The following TRPV4 variants were observed in gnomAD, a reference collection of about 807,000 sequenced individuals.
The protein encoded by TRPV4 is OSM9-like transient receptor potential channel 4.
In TRPV4, 58 loss-of-function variants were observed where a neutral mutation model predicts 84.1. The observed-to-expected ratio is 0.69, with a 90% CI of 0.56 to 0.86. TRPV4 has a LOEUF of 0.86. TRPV4 is among the 40% of genes least tolerant of loss of function. The pLI, the probability that TRPV4 is intolerant of heterozygous loss-of-function variation, is 0.00. For synonymous variants in TRPV4, 489 were observed against 500.9 expected, an observed-to-expected ratio of 0.98 and a Z score of 0.32; for missense variants, 879 against 1,181.1, an observed-to-expected ratio of 0.74 and a Z score of 3.75.
chr12:109,827,209 C>T (rs1892275600), intron 1 of TRPV4, among the ~76,000 whole-genome samples: 1 of 152,134 alleles, frequency 6.6e-6, no homozygotes, highest in Non-Finnish European at 1.5e-5. Context: ...GCCTATAAGA[C>T]CAACACCTCT....
chr12:109,802,990 C>G lies in TRPV4; in HGVS notation c.712+1G>C. On this transcript the variant is annotated splice_donor_variant, in intron 4 of 15. Transcript: ENST00000261740. LOFTEE classifies it high-confidence loss of function. ...CACCCCTGCCCAGCCCGGGGCCCCA[C>G]CTCGATAGTAGATGTCACGGAAGGG... The G allele has an allele frequency of 3.1e-6, 5 of 1,613,886 alleles. No homozygotes were observed. The highest frequency in any genetic ancestry group is 4.2e-6 in the Non-Finnish European group (5 of 1,179,998).
intron 8 of TRPV4, 102 bp downstream of exon 8, chr12:109,794,226 CG>C: frequency 6.8e-7 from 1 of 1,462,248 alleles, no homozygotes; most frequent in Non-Finnish European, 9.4e-7. Flanking sequence ...AAACCTTCTC[CG>C]GGTCCCCCTA....
intron 7 of TRPV4, among the ~76,000 whole-genome samples, chr12:109,794,725 A>G (rs1890283540): frequency 6.6e-6 from 1 of 152,144 alleles, no homozygotes; most frequent in Non-Finnish European, 1.5e-5. Context: ...CTTAAAAGAC[A>G]TTTATTTTCA....
intron 2 of TRPV4, among the ~76,000 whole-genome samples, chr12:109,812,282 G>A (rs1302458186): frequency 6.6e-6 from 1 of 152,220 alleles, no homozygotes; most frequent in Non-Finnish European, 1.5e-5. Flanking sequence ...GGCATGGAAT[G>A]CGTCATAGGG....
Position 109,803,106 on chromosome 12 carries a change from C to T in TRPV4, c.597G>A (p.Leu199=), listed in dbSNP as rs515726167. ...CGTTGCGGCCATTGCTCAGGTTCAG[C>T]AAGGCCTTGGGCAGGCAGGTCTTCC... ...STGKTCLPKA[L]LNLSNGRNDT... Residue 199 remains leucine, a synonymous_variant, in exon 4 of 16, where the codon TTG becomes TTA. Transcript: ENST00000261740. The T allele has an allele frequency of 6.2e-7, 1 of 1,614,162 alleles. No individual in the cohort carries two copies.
At chr12:109,819,414 C>T (rs1464464741) in intron 1 of TRPV4, among the ~76,000 whole-genome samples, 1 of 152,224 alleles carries the variant, frequency 6.6e-6, no homozygotes, top group Non-Finnish European at 1.5e-5. Context: ...CCCGCACGGG[C>T]TCACAATGCC....
chr12:109,814,742 G>A lies in TRPV4; in HGVS notation c.55C>T (p.Pro19Ser), dbSNP rs3742030. ...CCTGGGGTGCCACTCTCATCCCCGG[G>A]GAGCTCAGCCACCTCCCCGGGCCCC... ...RAGPGEVAEL[P>S]GDESGTPGGE... The change falls in exon 2 of 16, where the codon CCC becomes TCC. Residue 19 changes from proline (P) to serine (S), a missense_variant. Pro to Ser is a moderately conservative substitution (Grantham distance 74, BLOSUM62 -1). Around this residue, in one of 4 missense-constraint regions of TRPV4, gnomAD observed 107 missense variants for 99.4 expected, o/e 1.08. Coordinates refer to ENST00000261740, the MANE Select transcript of TRPV4 (RefSeq NM_021625.5). The surrounding 1 kb of genome is among the most constrained non-coding windows in gnomAD (Gnocchi z 5.4). 48,465 of 1,586,158 alleles carry A rather than the reference G, an allele frequency of 0.031. 866 individuals carry two copies. The highest frequency in any genetic ancestry group is 0.064 in the Middle Eastern group (378 of 5,934).
chr12:109,820,005 T>A (rs540234459), intron 1 of TRPV4, among the ~76,000 whole-genome samples: 7 of 152,338 alleles, frequency 4.6e-5, no homozygotes, highest in Non-Finnish European at 8.8e-5. Context: ...AGAATCTGCA[T>A]CTTCCTCTGG....
chr12:109,813,556 T>C (rs769808309), intron 2 of TRPV4, among the ~76,000 whole-genome samples: 3 of 147,256 alleles, frequency 2.0e-5, no homozygotes, highest in Non-Finnish European at 2.9e-5. Context: ...TATAAATGAG[T>C]GGGTGGATGG....
At chr12:109,817,347 T>C (rs1409058374) in intron 1 of TRPV4, among the ~76,000 whole-genome samples, 1 of 152,016 alleles carries the variant, frequency 6.6e-6, no homozygotes, top group Non-Finnish European at 1.5e-5. Flanking sequence ...TACCCTTCTA[T>C]CCACTGCACC....
chr12:109,822,749 C>T (rs1052745561), intron 1 of TRPV4, among the ~76,000 whole-genome samples: 2 of 152,138 alleles, frequency 1.3e-5, no homozygotes, highest in Non-Finnish European at 2.9e-5. Flanking sequence ...GCCCATGCCT[C>T]GGTTTCCTCA....
chr12:109,805,137 T>C (rs1891039907), intron 3 of TRPV4, among the ~76,000 whole-genome samples: 1 of 152,248 alleles, frequency 6.6e-6, no homozygotes, highest in Non-Finnish European at 1.5e-5. Context: ...GATGGTCCTG[T>C]CCAGGAGCCT....
intron 3 of TRPV4, among the ~76,000 whole-genome samples, chr12:109,806,868 AAAAAG>A (rs1343466086): frequency 0.014 from 1,624 of 113,842 alleles, 27 homozygotes; most frequent in South Asian, 0.069. Context: ...CTCAAAAAAA[AAAAAG>A]AAAAAAAAAA....
chr12:109,800,529 G>C, intron 5 of TRPV4, 89 bp downstream of exon 5: 3 of 1,528,850 alleles, frequency 2.0e-6, no homozygotes, highest in Non-Finnish European at 2.7e-6. Context: ...TCTGGGTGAT[G>C]GTCAGGGCTG....
chr12:109,799,748 T>C (rs943221023), intron 5 of TRPV4, among the ~76,000 whole-genome samples: 1 of 151,058 alleles, frequency 6.6e-6, no homozygotes, highest in Non-Finnish European at 1.5e-5. Flanking sequence ...AGGATTTGGC[T>C]TTTTTTTTGT....
chr12:109,814,425 C>T lies in TRPV4; in HGVS notation c.372G>A (p.Arg124=), dbSNP rs1891729627. 1 of 1,614,106 alleles carries T rather than the reference C, an allele frequency of 6.2e-7. No individual in the cohort carries two copies. The highest frequency in any genetic ancestry group is 1.3e-5 in the African/African-American group (1 of 75,042). Residue 124 remains arginine (R), a synonymous_variant, in exon 2 of 16, where the codon AGG becomes AGA. Transcript: ENST00000261740. This position sits in a 1 kb window ranked among gnomAD's most constrained non-coding sequence, Gnocchi z 5.4. ...RHHSSDNKRW[R]KKIIEKQPQS... is the part of the protein sequence containing the mutation. ...ACAATACTCACTCTATGATCTTCTT[C>T]CTCCACCTCTTGTTGTCACTGGAGT...
At position 109,814,352 on chromosome 12, in the gene TRPV4, T is replaced by G. The variant is rs768499372; in HGVS notation, c.386+59A>C. The G allele has an allele frequency of 8.1e-5, 128 of 1,580,416 alleles. 1 individual carries two copies. The highest frequency in any genetic ancestry group is 1.1e-4 in the Non-Finnish European group (124 of 1,159,124). ...GGATAATAGATAGAGGGGTGGATGA[T>G]GAATGGGTGAATGGATACAGAGGAG... is the stretch of plus-strand genomic sequence containing the variant. On this transcript the variant is annotated intron_variant, in intron 2 of 15. Transcript: ENST00000261740. The surrounding 1 kb of genome is among the most constrained non-coding windows in gnomAD (Gnocchi z 5.4).
chr12:109,812,277 G>A (rs964054052), intron 2 of TRPV4, among the ~76,000 whole-genome samples: 1 of 152,222 alleles, frequency 6.6e-6, no homozygotes, highest in Non-Finnish European at 1.5e-5. Flanking sequence ...GGCCTGGCAT[G>A]GAATGCGTCA....
In TRPV4 at chr12:109,796,748, AC is replaced by A. The variant is rs1448902957; in HGVS notation, c.1153-45del. 6.3e-7 allele frequency: 1 copy of A among 1,576,638 alleles called. No individual in the cohort carries two copies. Among genetic ancestry groups the A allele is most frequent in the Non-Finnish European group, 8.6e-7 (1 of 1,159,608 alleles). ...GGGTCAGGGGGCTCACACTGGAAAG[AC>A]CCCCAGGGCTGGGCCCAGCTCAGCA... On this transcript the variant is annotated intron_variant, in intron 6 of 15. Coordinates refer to ENST00000261740, the MANE Select transcript of TRPV4 (RefSeq NM_021625.5). The surrounding 1 kb of genome is among the most constrained non-coding windows in gnomAD (Gnocchi z 4.2).
Sources: allele counts gnomAD v4.1 joint callset (sites outside exome capture counted in the v4.1 genomes callset), GRCh38; gene constraint gnomAD v4.1.1; regional missense constraint gnomAD v4.1.1; non-coding constraint Gnocchi (gnomAD v3.1); transcripts MANE v1.5; gene names NCBI Gene and HGNC (gene_info 2026-07-23, HGNC 2026-07-21).